CLMN: variants seen among roughly 807,000 people sequenced by gnomAD.
The protein encoded by CLMN is calmin (calponin-like, transmembrane).
A neutral mutation model predicts 92.7 loss-of-function variants in CLMN; 57 were observed. The observed-to-expected ratio is 0.61, with a 90% CI of 0.50 to 0.77. CLMN has a LOEUF of 0.77. Ranked by LOEUF, CLMN falls within the 30% of genes least tolerant of loss-of-function variation. The probability of loss-of-function intolerance (pLI) is 0.00; values close to 1 mark genes in which losing one functional copy is unlikely to be tolerated. For missense variants in CLMN, 1,158 were observed against 1,237.5 expected, an observed-to-expected ratio of 0.94 and a Z score of 0.96; for synonymous variants, 466 against 470.6, an observed-to-expected ratio of 0.99 and a Z score of 0.13.
intron 1 of CLMN, among the ~76,000 whole-genome samples, chr14:95,288,329 A>G (rs1446675534): frequency 1.3e-5 from 2 of 152,352 alleles, no homozygotes; most frequent in South Asian, 4.2e-4. Context: ...GGATCACAGT[A>G]GGCTTTTGAA....
rs372425675 is a variant in CLMN, at chr14:95,294,105, TA to T, written c.82+25605del. Among the ~76,000 whole-genome samples the T allele has an allele frequency of 1.5e-3, 224 of 152,250 alleles. 1 individual carries two copies. The South Asian group carries it at 0.021, about 15-fold the overall frequency. On this transcript the variant is annotated intron_variant, in intron 1 of 12. Transcript: ENST00000298912. The surrounding 1 kb of genome is among the most constrained non-coding windows in gnomAD (Gnocchi z 4.2). Reference sequence around the variant, plus strand: ...GAACCTCTTCCTACCTACCTCACCCTAAACAGCCAGGAGAGTGCGTGCAGTC... The same window carrying T: ...GAACCTCTTCCTACCTACCTCACCCTAACAGCCAGGAGAGTGCGTGCAGTC...
At position 95,203,329 on chromosome 14, in the gene CLMN, C is replaced by T. The variant is rs200052522; in HGVS notation, c.2020G>A (p.Gly674Arg). 3.0e-4 allele frequency: 482 copies of T among 1,613,944 alleles called. No individual in the cohort carries two copies. The highest frequency in any genetic ancestry group is 3.9e-4 in the Non-Finnish European group (462 of 1,180,018). The change falls in exon 9 of 13, where the codon GGA becomes AGA. Residue 674 changes from glycine to arginine, a missense_variant. Physicochemically the swap from Gly to Arg is moderately radical, Grantham distance 125. Coordinates refer to ENST00000298912, the MANE Select transcript of CLMN (RefSeq NM_024734.4). The part of the protein sequence containing the change: ...KSTRPHYEEE[G>R]EDDDLQGVGE... The stretch of plus-strand genomic sequence containing the variant: ...ACACCCTGGAGGTCATCGTCTTCTC[C>T]CTCTTCCTCATAATGAGGACGGGTG...
intron 1 of CLMN, among the ~76,000 whole-genome samples, chr14:95,250,117 A>G (rs1193067823): frequency 1.3e-5 from 2 of 152,232 alleles, no homozygotes; most frequent in African/African-American, 4.8e-5. Flanking sequence ...GAACAGAGGT[A>G]GCTGGTTCCT....
chr14:95,295,533 C>T (rs926653439), intron 1 of CLMN, among the ~76,000 whole-genome samples: 4 of 152,248 alleles, frequency 2.6e-5, no homozygotes, highest in Admixed American at 1.3e-4. Context: ...TCAGTCTGCC[C>T]GGGGGTGGTG....
chr14:95,203,882 G>T lies in CLMN; in HGVS notation c.1467C>A (p.Val489=), dbSNP rs747998287. The T allele has an allele frequency of 3.7e-6, 6 of 1,614,100 alleles. No individual in the cohort carries two copies. Among genetic ancestry groups the T allele is most frequent in the Non-Finnish European group, 5.1e-6 (6 of 1,180,018 alleles). The change falls in exon 9 of 13, where the codon GTC becomes GTA. Residue 489 remains valine (V), a synonymous_variant. Coordinates refer to ENST00000298912, the MANE Select transcript of CLMN (RefSeq NM_024734.4). Reference sequence around the variant, plus strand: ...CCTCCACCAAAAAAATGTCACCAGCGACCTTGTCAGAGGAGGATTCTGGAA... The same window carrying T: ...CCTCCACCAAAAAAATGTCACCAGCTACCTTGTCAGAGGAGGATTCTGGAA... The part of the protein sequence containing the change: ...SKIPESSSDK[V]AGDIFLVEGT...
At chr14:95,319,510 G>A (rs1901948105) in intron 1 of CLMN, among the ~76,000 whole-genome samples, 1 of 152,158 alleles carries the variant, frequency 6.6e-6, no homozygotes, top group Non-Finnish European at 1.5e-5. Context: ...CACCCCCTGG[G>A]CAACTGTAAA....
intron 1 of CLMN, among the ~76,000 whole-genome samples, chr14:95,292,440 A>ACCCCCG (rs1566917486): frequency 2.5e-5 from 1 of 40,322 alleles, no homozygotes; most frequent in African/African-American, 8.9e-5. Flanking sequence ...CCCCACCCCC[A>ACCCCCG]CCCCCACCCC....
intron 9 of CLMN, among the ~76,000 whole-genome samples, chr14:95,199,876 T>A (rs1896827512): frequency 6.8e-6 from 1 of 148,086 alleles, no homozygotes; most frequent in African/African-American, 2.5e-5. Flanking sequence ...GATGCTGGCT[T>A]GGCTAGAGGG....
chr14:95,300,701 G>A (rs774319639), intron 1 of CLMN, among the ~76,000 whole-genome samples: 63 of 152,232 alleles, frequency 4.1e-4, no homozygotes, highest in Non-Finnish European at 7.4e-4. Flanking sequence ...TACCTTCTCT[G>A]AACAGCCTTC....
rs556997480 is a variant in CLMN at position 95,319,342 on chromosome 14, G to A, written c.82+369C>T. Among the ~76,000 whole-genome samples, 128 of 135,348 alleles carry A rather than the reference G, an allele frequency of 9.5e-4. 1 individual carries two copies. The South Asian group carries it at 0.012, about 13-fold the overall frequency. The allele number at this position is 135,348 out of a possible 152,430, so 88.8% of individuals were successfully genotyped here. ...ACACACACACACACACACACACACA[G>A]AGTCGCACTGTCTCCTCCCCTCCCT... On this transcript the variant is annotated intron_variant, in intron 1 of 12. Transcript: ENST00000298912.
At chr14:95,241,078 T>G (rs1898227091) in intron 1 of CLMN, among the ~76,000 whole-genome samples, 1 of 148,016 alleles carries the variant, frequency 6.8e-6, no homozygotes, top group East Asian at 1.9e-4. Flanking sequence ...TTCAGTTATT[T>G]AAAAAAAAAA....
Position 95,230,088 on chromosome 14 carries a change from T to C in CLMN, c.128A>G (p.Asn43Ser). 6.2e-7 allele frequency: 1 copy of C among 1,614,182 alleles called. No individual in the cohort carries two copies. The highest frequency in any genetic ancestry group is 1.6e-4 in the Middle Eastern group (1 of 6,062). Residue 43 changes from asparagine to serine, a missense_variant, in exon 2 of 13, where the codon AAT (asparagine) becomes AGT (serine). Transcript: ENST00000298912. The part of the protein sequence containing the change: ...VQKRTFTRWI[N>S]LHLEKCNPPL... Reference sequence around the variant, plus strand: ...CGCCATTACCTTTTCTAGATGTAGATTTATCCATCGTGTAAAGGTCCTCTT... The same window carrying C: ...CGCCATTACCTTTTCTAGATGTAGACTTATCCATCGTGTAAAGGTCCTCTT...
Position 95,313,405 on chromosome 14 carries a change from C to T in CLMN, c.82+6306G>A, listed in dbSNP as rs1276514638. Among the ~76,000 whole-genome samples, 5 of 152,288 alleles carry T rather than the reference C, an allele frequency of 3.3e-5. No individual in the cohort carries two copies. In the East Asian group the frequency reaches 7.7e-4, roughly 23 times the overall value. On this transcript the variant is annotated intron_variant, in intron 1 of 12. Coordinates refer to ENST00000298912, the MANE Select transcript of CLMN (RefSeq NM_024734.4). ...CTTGTCCTGCAAAAGCAGCTATAGG[C>T]AATATGCAAATAAATGGGTGTGTCT...
At position 95,194,831 on chromosome 14, in the gene CLMN, CA is replaced by C. The variant is rs761594647; in HGVS notation, c.2709-236del. Among the ~76,000 whole-genome samples the C allele has an allele frequency of 9.9e-5, 15 of 152,180 alleles. No homozygotes were observed. The highest frequency in any genetic ancestry group is 1.8e-4 in the Non-Finnish European group (12 of 68,034). On this transcript the variant is annotated intron_variant, in intron 10 of 12. Coordinates refer to ENST00000298912, the MANE Select transcript of CLMN (RefSeq NM_024734.4). This position sits in a 1 kb window ranked among gnomAD's most constrained non-coding sequence, Gnocchi z 4.0. ...TTGGGCCCTCATCTACAAGAAAAATCAAAGTCAGGATTTTAAATAGAAAGCA... is the reference window on the plus strand; with the variant it reads ...TTGGGCCCTCATCTACAAGAAAAATCAAGTCAGGATTTTAAATAGAAAGCA...
intron 1 of CLMN, among the ~76,000 whole-genome samples, chr14:95,258,429 TTGTA>T (rs1899099797): frequency 6.7e-6 from 1 of 148,570 alleles, no homozygotes. Flanking sequence ...GAGGATGTGT[TTGTA>T]TGTGTGGTGT....
At chr14:95,279,296 G>C (rs1260491384) in intron 1 of CLMN, among the ~76,000 whole-genome samples, 1 of 152,194 alleles carries the variant, frequency 6.6e-6, no homozygotes, top group Non-Finnish European at 1.5e-5. Flanking sequence ...CAGATATTAG[G>C]TTTGTTAAAT....
At chr14:95,240,512 G>A (rs1445470938) in intron 1 of CLMN, among the ~76,000 whole-genome samples, 1 of 152,022 alleles carries the variant, frequency 6.6e-6, no homozygotes, top group African/African-American at 2.4e-5. Flanking sequence ...AAGGAGTCTG[G>A]GGTCCCATGT....
intron 1 of CLMN, among the ~76,000 whole-genome samples, chr14:95,286,304 C>G (rs1424844930): frequency 6.6e-6 from 1 of 152,122 alleles, no homozygotes; most frequent in Non-Finnish European, 1.5e-5. Context: ...ATTATTTAGC[C>G]ATAAAGAGGA....
intron 1 of CLMN, among the ~76,000 whole-genome samples, chr14:95,288,979 T>C (rs1900446949): frequency 6.6e-6 from 1 of 152,158 alleles, no homozygotes; most frequent in African/African-American, 2.4e-5. Flanking sequence ...ATGCAAAAGT[T>C]CCCAAACAAT....
Sources: allele counts gnomAD v4.1 joint callset (sites outside exome capture counted in the v4.1 genomes callset), GRCh38; gene constraint gnomAD v4.1.1; non-coding constraint Gnocchi (gnomAD v3.1); transcripts MANE v1.5; gene names NCBI Gene and HGNC (gene_info 2026-07-23, HGNC 2026-07-21).